Variants in SH3RF3 observed in about 807,000 individuals in gnomAD.
SH3RF3 encodes E3 ubiquitin-protein ligase SH3RF3.
SH3RF3 carries 29 observed loss-of-function variants against 66.3 expected under a neutral mutation model. The ratio of observed to expected loss-of-function variants is 0.44; its 90% CI spans 0.33 to 0.60. The LOEUF is 0.60. SH3RF3 is among the 20% of genes least tolerant of loss of function. SH3RF3 has a pLI of 0.04. For synonymous variants in SH3RF3, 583 were observed against 532.0 expected (o/e 1.10, Z -1.32); for missense variants, 1,194 against 1,190.9 (o/e 1.00, Z -0.04).
At chr2:109,192,854 C>T (rs1341048923) in intron 1 of SH3RF3, among the ~76,000 whole-genome samples, 1 of 152,192 alleles carries the variant, frequency 6.6e-6, no homozygotes, top group Non-Finnish European at 1.5e-5. Context: ...TTCTCCTGCA[C>T]CTGTTTCTGT....
intron 6 of SH3RF3, among the ~76,000 whole-genome samples, chr2:109,435,467 C>T (rs552407556): frequency 1.3e-5 from 2 of 152,334 alleles, no homozygotes; most frequent in Non-Finnish European, 1.5e-5. Context: ...TTGCCCCCAT[C>T]GTGCTAGGAG....
rs191766769 is a variant in SH3RF3 at position 109,404,391 on chromosome 2, C to T, written c.1299+5448C>T. On this transcript the variant is annotated intron_variant, in intron 4 of 9. Transcript: ENST00000309415. ...GGTGCCGATGCAGAACAGGCCAGCG[C>T]CTGGCCTCTGAGTAGCCATGTGGGA... Among the ~76,000 whole-genome samples, 1,054 of 152,336 alleles carry T rather than the reference C, an allele frequency of 6.9e-3. 10 individuals carry two copies. Among genetic ancestry groups the T allele is most frequent in the African/African-American group, 0.024 (1,010 of 41,576 alleles).
chr2:109,276,962 G>A lies in SH3RF3; in HGVS notation c.574-70712G>A, dbSNP rs540303618. 3.1e-3 allele frequency among the ~76,000 whole-genome samples: 469 copies of A among 152,244 alleles called. 1 individual carries two copies. The highest frequency in any genetic ancestry group is 0.01 in the African/African-American group (435 of 41,536). On this transcript the variant is annotated intron_variant, in intron 1 of 9. Coordinates refer to ENST00000309415, the MANE Select transcript of SH3RF3 (RefSeq NM_001099289.3). ...TAAGAAGGGGAGTCCTGAGCTGGGGGACTCGGCTTCTCCCTGAAAGGAGCA... is the reference window on the plus strand; with the variant it reads ...TAAGAAGGGGAGTCCTGAGCTGGGGAACTCGGCTTCTCCCTGAAAGGAGCA...
At chr2:109,389,443 G>A (rs1471128106) in intron 3 of SH3RF3, among the ~76,000 whole-genome samples, 1 of 152,228 alleles carries the variant, frequency 6.6e-6, no homozygotes, top group Non-Finnish European at 1.5e-5. Context: ...ATGAGTGTGT[G>A]AGCCTAGAGA....
chr2:109,437,291 A>G, intron 7 of SH3RF3, 145 bp downstream of exon 7: 1 of 1,331,972 alleles, frequency 7.5e-7, no homozygotes, highest in Non-Finnish European at 1.0e-6. Context: ...CTTAAGGAAA[A>G]CCGGTTTGGC....
chr2:109,169,814 A>C (rs1677719042), intron 1 of SH3RF3, among the ~76,000 whole-genome samples: 1 of 152,124 alleles, frequency 6.6e-6, no homozygotes, highest in Non-Finnish European at 1.5e-5. Context: ...TACTCAGAAA[A>C]AGATAAGTCA....
At chr2:109,472,781 C>G (rs1559102031) in intron 8 of SH3RF3, among the ~76,000 whole-genome samples, 1 of 152,062 alleles carries the variant, frequency 6.6e-6, no homozygotes, top group Non-Finnish European at 1.5e-5. Flanking sequence ...TGTATTTGTC[C>G]TACAGAAAGC....
intron 1 of SH3RF3, among the ~76,000 whole-genome samples, chr2:109,309,011 G>T (rs1681664299): frequency 1.2e-5 from 1 of 81,366 alleles, no homozygotes; most frequent in Non-Finnish European, 2.1e-5. Context: ...AAATTACCTT[G>T]GGCAGTATGG....
chr2:109,470,815 G>C (rs1678483877), intron 8 of SH3RF3, among the ~76,000 whole-genome samples: 1 of 152,240 alleles, frequency 6.6e-6, no homozygotes, highest in Admixed American at 6.5e-5. Context: ...TCAGCTCACA[G>C]CAAACAAAGG....
chr2:109,283,898 G>A (rs1190713084), intron 1 of SH3RF3, among the ~76,000 whole-genome samples: 7 of 152,150 alleles, frequency 4.6e-5, no homozygotes, highest in African/African-American at 1.2e-4. Context: ...CTGGTGAAGC[G>A]CTTATCAAAT....
intron 1 of SH3RF3, among the ~76,000 whole-genome samples, chr2:109,230,505 A>G (rs148521761): frequency 0.013 from 1,939 of 152,212 alleles, 20 homozygotes; most frequent in South Asian, 0.024. Flanking sequence ...GCTTGAACCT[A>G]GTAGGTAGAG....
At chr2:109,153,358 A>T (rs1677265723) in intron 1 of SH3RF3, among the ~76,000 whole-genome samples, 1 of 152,318 alleles carries the variant, frequency 6.6e-6, no homozygotes. Flanking sequence ...TTAGTGATTT[A>T]AAAAAATTTG....
At chr2:109,150,382 A>G (rs899471979) in intron 1 of SH3RF3, among the ~76,000 whole-genome samples, 1 of 152,200 alleles carries the variant, frequency 6.6e-6, no homozygotes, top group African/African-American at 2.4e-5. Flanking sequence ...ATTTTTGTCT[A>G]TAACCTGATG....
chr2:109,428,748 C>T (rs576112234), intron 5 of SH3RF3, among the ~76,000 whole-genome samples: 1 of 152,322 alleles, frequency 6.6e-6, no homozygotes, highest in African/African-American at 2.4e-5. Context: ...TCTGAGCATG[C>T]AGGGTGGCCT....
At chr2:109,419,782 A>G (rs568322617) in intron 5 of SH3RF3, 140 bp downstream of exon 5, 1 of 731,778 alleles carries the variant, frequency 1.4e-6, no homozygotes, top group Admixed American at 2.8e-5. Context: ...GTCTAATAAC[A>G]CCGCTGAAGG....
At chr2:109,448,349 C>T (rs1374101648) in intron 7 of SH3RF3, among the ~76,000 whole-genome samples, 1 of 152,222 alleles carries the variant, frequency 6.6e-6, no homozygotes, top group Non-Finnish European at 1.5e-5. Context: ...GCCTCCAAGC[C>T]ACAGACCAAT....
intron 1 of SH3RF3, among the ~76,000 whole-genome samples, chr2:109,143,646 T>C (rs189710843): frequency 4.9e-4 from 74 of 152,024 alleles, no homozygotes; most frequent in African/African-American, 1.7e-3. Flanking sequence ...CCTAGATACA[T>C]AAGAGGCTGA....
intron 1 of SH3RF3, among the ~76,000 whole-genome samples, chr2:109,190,277 G>T (rs1453407693): frequency 6.6e-6 from 1 of 152,070 alleles, no homozygotes; most frequent in African/African-American, 2.4e-5. Flanking sequence ...GGGTTCAAGT[G>T]ATTCTTCTGC....
chr2:109,174,501 C>T (rs1412581260), intron 1 of SH3RF3, among the ~76,000 whole-genome samples: 2 of 152,234 alleles, frequency 1.3e-5, no homozygotes, highest in Non-Finnish European at 2.9e-5. Flanking sequence ...CTGCCAGGCC[C>T]AGCCAGGGCA....
Sources: gnomAD v4.1 joint callset for allele counts (sites outside exome capture counted in the v4.1 genomes callset) on GRCh38, gnomAD v4.1.1 for gene constraint, MANE v1.5 for transcripts, NCBI Gene and HGNC (gene_info 2026-07-23, HGNC 2026-07-21) for gene names.